SYN3: variants seen among roughly 807,000 people sequenced by gnomAD.
The protein encoded by SYN3 is synapsin-3.
SYN3 carries 35 observed loss-of-function variants against 65.8 expected under a neutral mutation model. The observed-to-expected ratio is 0.53, with a 90% CI of 0.41 to 0.70. The LOEUF (loss-of-function observed/expected upper bound fraction) is 0.70. SYN3 is among the 30% of genes least tolerant of loss of function. SYN3 has a pLI of 0.00. For missense variants in SYN3, 680 were observed against 749.0 expected (o/e 0.91, Z 1.08); for synonymous variants, 270 against 292.9 (o/e 0.92, Z 0.80).
chr22:32,593,337 C>CCTT (rs3070484), intron 7 of SYN3, among the ~76,000 whole-genome samples: 80,264 of 151,152 alleles, frequency 0.53, 23,400 homozygotes, highest in African/African-American at 0.8. Flanking sequence ...CTCTTTATTT[C>CCTT]CTTTTTATGT....
chr22:32,675,706 C>T (rs2060430708), intron 6 of SYN3, among the ~76,000 whole-genome samples: 1 of 151,386 alleles, frequency 6.6e-6, no homozygotes, highest in African/African-American at 2.4e-5. Context: ...AGCTAAAAGC[C>T]AGCTAAGCTG....
intron 1 of SYN3, among the ~76,000 whole-genome samples, chr22:33,049,077 C>T (rs192657076): frequency 2.0e-5 from 3 of 152,312 alleles, no homozygotes; most frequent in Non-Finnish European, 4.4e-5. Context: ...ATGCAACTTT[C>T]TGACCATTAA....
chr22:33,038,880 C>G (rs2053909318), intron 1 of SYN3, among the ~76,000 whole-genome samples: 1 of 152,208 alleles, frequency 6.6e-6, no homozygotes, highest in African/African-American at 2.4e-5. Flanking sequence ...CCCTGAGCTG[C>G]AGGCGGAAGC....
intron 4 of SYN3, among the ~76,000 whole-genome samples, chr22:32,870,515 A>T (rs998337089): frequency 3.9e-5 from 6 of 152,196 alleles, no homozygotes; most frequent in African/African-American, 1.4e-4. Flanking sequence ...AATCAGTGCC[A>T]TTATTTTAAA....
chr22:32,754,423 A>G (rs1271234748), intron 6 of SYN3, among the ~76,000 whole-genome samples: 1 of 152,118 alleles, frequency 6.6e-6, no homozygotes, highest in Non-Finnish European at 1.5e-5. Flanking sequence ...AAGTGCTCAC[A>G]TTACAGACAT....
At chr22:32,532,377 C>G (rs549568715) in intron 10 of SYN3, among the ~76,000 whole-genome samples, 348 of 152,366 alleles carry the variant, frequency 2.3e-3, no homozygotes, top group Non-Finnish European at 1.6e-3. Flanking sequence ...CTCCAGGGAG[C>G]AACTGTACAG....
At chr22:32,605,722 T>C (rs2710357) in intron 6 of SYN3, among the ~76,000 whole-genome samples, 76,097 of 152,012 alleles carry the variant, frequency 0.5, 20,891 homozygotes, top group African/African-American at 0.72. Context: ...GATCATCCAG[T>C]GCTTCCCCTG....
At chr22:32,765,741 C>A (rs868737849) in intron 6 of SYN3, among the ~76,000 whole-genome samples, 1 of 152,078 alleles carries the variant, frequency 6.6e-6, no homozygotes, top group African/African-American at 2.4e-5. Flanking sequence ...CTGTGCACCC[C>A]TTTGCACAGA....
At chr22:32,629,029 G>A (rs2059709973) in intron 6 of SYN3, among the ~76,000 whole-genome samples, 1 of 152,170 alleles carries the variant, frequency 6.6e-6, no homozygotes, top group African/African-American at 2.4e-5. Flanking sequence ...GAGCTCTCCA[G>A]GCAAGCTGGG....
chr22:32,604,837 C>T (rs889911006), intron 6 of SYN3, among the ~76,000 whole-genome samples: 3 of 150,764 alleles, frequency 2.0e-5, no homozygotes, highest in African/African-American at 7.4e-5. Flanking sequence ...AACCCACTCT[C>T]TACTAAAAAT....
chr22:32,564,277 C>A (rs1229207017), intron 7 of SYN3, among the ~76,000 whole-genome samples: 2 of 152,132 alleles, frequency 1.3e-5, no homozygotes, highest in African/African-American at 4.8e-5. Context: ...TCCTGCCCTG[C>A]TACAGATGAA....
intron 6 of SYN3, among the ~76,000 whole-genome samples, chr22:32,771,797 A>G (rs2045778952): frequency 1.3e-5 from 2 of 152,232 alleles, no homozygotes; most frequent in Admixed American, 6.5e-5. Context: ...ATTCATTCCC[A>G]AAGCAAATGG....
intron 7 of SYN3, among the ~76,000 whole-genome samples, chr22:32,551,370 C>A (rs1011330348): frequency 2.0e-5 from 3 of 152,050 alleles, no homozygotes; most frequent in African/African-American, 7.2e-5. Flanking sequence ...TTGCCAGAAT[C>A]CAGAACCTGA....
At chr22:33,002,691 T>C (rs1259128731) in intron 2 of SYN3, among the ~76,000 whole-genome samples, 1 of 152,124 alleles carries the variant, frequency 6.6e-6, no homozygotes, top group Non-Finnish European at 1.5e-5. Flanking sequence ...AAAGCATAGA[T>C]TTAATCATTC....
chr22:32,517,630 T>A (rs1292766744), intron 13 of SYN3, among the ~76,000 whole-genome samples: 2 of 152,196 alleles, frequency 1.3e-5, no homozygotes, highest in African/African-American at 4.8e-5. Flanking sequence ...GAAATGTGAA[T>A]CTAACTGGGT....
Position 32,657,358 on chromosome 22 carries a change from T to G in SYN3, c.712-60622A>C, listed in dbSNP as rs2060156859. On this transcript the variant is annotated intron_variant, in intron 6 of 13. Transcript: ENST00000358763. ...CAGGATGGTCTCGATCTACTGACAT[T>G]GTGATCCACCCTCCTCAGCCTCCCA... is the stretch of plus-strand genomic sequence containing the variant. Among the ~76,000 whole-genome samples, 8 of 151,696 alleles carry G rather than the reference T, an allele frequency of 5.3e-5. No individual in the cohort carries two copies. The South Asian group carries it at 1.7e-3, about 32-fold the overall frequency.
chr22:32,745,922 G>C (rs760420046), intron 6 of SYN3, among the ~76,000 whole-genome samples: 19 of 152,186 alleles, frequency 1.2e-4, no homozygotes, highest in Non-Finnish European at 2.6e-4. Context: ...CTGCTGCTTA[G>C]AAGGCAATTT....
At chr22:32,990,732 T>G (rs2052689060) in intron 2 of SYN3, among the ~76,000 whole-genome samples, 1 of 152,210 alleles carries the variant, frequency 6.6e-6, no homozygotes, top group South Asian at 2.1e-4. Flanking sequence ...CTTGTTTTGT[T>G]GCACTTAAAT....
At chr22:32,550,056 AC>A (rs2058390107) in intron 7 of SYN3, among the ~76,000 whole-genome samples, 1 of 152,216 alleles carries the variant, frequency 6.6e-6, no homozygotes, top group African/African-American at 2.4e-5. Context: ...TAATTATAAA[AC>A]AAAATAAATC....
Sources: gnomAD v4.1 joint callset for allele counts (sites outside exome capture counted in the v4.1 genomes callset) on GRCh38, gnomAD v4.1.1 for gene constraint, MANE v1.5 for transcripts, NCBI Gene and HGNC (gene_info 2026-07-23, HGNC 2026-07-21) for gene names.